Variants in HUS1B observed in about 807,000 individuals in gnomAD.
HUS1B encodes checkpoint protein HUS1B.
For missense variants in HUS1B, 475 were observed against 390.4 expected, an observed-to-expected ratio of 1.22 and a Z score of -1.83; for synonymous variants, 207 against 176.2, an observed-to-expected ratio of 1.17 and a Z score of -1.38.
At position 656,172 on chromosome 6, in the gene HUS1B, G is replaced by T; in HGVS notation, c.773C>A (p.Thr258Asn). ...TTALCNIWDN[T>N]LLQLVLVQED... Reference sequence around the variant, plus strand: ...TTGAACCAAAACAAGCTGAAGAAGAGTATTGTCCCAAATATTGCACAGGGC... The same window carrying T: ...TTGAACCAAAACAAGCTGAAGAAGATTATTGTCCCAAATATTGCACAGGGC... The change falls in exon 1 of 1, where the codon ACT (threonine) becomes AAT (asparagine). Residue 258 changes from threonine to asparagine, a missense_variant. Physicochemically the swap from Thr to Asn is moderately conservative, Grantham distance 65 (BLOSUM62 0). Transcript: ENST00000380907. The T allele has an allele frequency of 3.1e-6, 5 of 1,614,136 alleles. No individual in the cohort carries two copies. Among genetic ancestry groups the T allele is most frequent in the Non-Finnish European group, 4.2e-6 (5 of 1,180,004 alleles).
At position 656,708 on chromosome 6, in the gene HUS1B, G is replaced by C; in HGVS notation, c.237C>G (p.His79Gln). The C allele has an allele frequency of 6.2e-7, 1 of 1,603,484 alleles. No individual in the cohort carries two copies. Among genetic ancestry groups the C allele is most frequent in the Non-Finnish European group, 8.5e-7 (1 of 1,174,512 alleles). Residue 79 changes from histidine to glutamine, a missense_variant, in exon 1 of 1, where the codon CAC becomes CAG. His to Gln is a conservative substitution (Grantham distance 24, BLOSUM62 0). Transcript: ENST00000380907. ...EGVSEDLDEI[H>Q]LELTAEHLSR... ...ACAGGTGCTCCGCCGTCAGCTCCAGGTGGATCTCATCGAGATCTTCCGAGA... is the reference window on the plus strand; with the variant it reads ...ACAGGTGCTCCGCCGTCAGCTCCAGCTGGATCTCATCGAGATCTTCCGAGA...
rs750643871 is a variant in HUS1B, at chr6:656,903, C to T, written c.42G>A (p.Glu14=). Reference sequence around the variant, plus strand: ...CGGTGCCGCTGACGTGAATGAACAGCTCTAGACAGCCTTTGCCGGTGATCT... The same window carrying T: ...CGGTGCCGCTGACGTGAATGAACAGTTCTAGACAGCCTTTGCCGGTGATCT... ...RAKITGKGCL[E]LFIHVSGTVA... The change falls in exon 1 of 1, where the codon GAG becomes GAA. Residue 14 remains glutamate, a synonymous_variant. Transcript: ENST00000380907. The T allele has an allele frequency of 1.3e-6, 2 of 1,562,224 alleles. No individual in the cohort carries two copies. The highest frequency in any genetic ancestry group is 2.3e-5 in the East Asian group (1 of 43,088).
rs367616837 is a variant in HUS1B, at chr6:656,059, T to C, written c.*49A>G. 378 of 1,410,890 alleles carry C rather than the reference T, an allele frequency of 2.7e-4. No individual in the cohort carries two copies. The highest frequency in any genetic ancestry group is 3.3e-4 in the Non-Finnish European group (330 of 1,014,896). The allele number at this position is 1,410,890 out of a possible 1,614,324, so 87.4% of individuals were successfully genotyped here. ...CCAATTAACTCAGGGTCTGTTTTAGTTTTGAAAAGATCAAAACCTTAAAAA... is the reference window on the plus strand; with the variant it reads ...CCAATTAACTCAGGGTCTGTTTTAGCTTTGAAAAGATCAAAACCTTAAAAA... On this transcript the variant is annotated 3_prime_UTR_variant, in exon 1 of 1. Transcript: ENST00000380907.
rs763833864 is a variant in HUS1B, at chr6:656,729, C to T, written c.216G>A (p.Ser72=). ...AFQQFRMEGV[S]EDLDEIHLEL... ...CCAGGTGGATCTCATCGAGATCTTC[C>T]GAGACACCTTCCATGCGAAACTGCT... is the stretch of plus-strand genomic sequence containing the variant. The change falls in exon 1 of 1, where the codon TCG becomes TCA. Residue 72 remains serine, a synonymous_variant. Transcript: ENST00000380907. 10 of 1,593,782 alleles carry T rather than the reference C, an allele frequency of 6.3e-6. No individual in the cohort carries two copies. Among genetic ancestry groups the T allele is most frequent in the Non-Finnish European group, 8.6e-6 (10 of 1,168,526 alleles).
Position 656,800 on chromosome 6 carries a change from G to C in HUS1B, c.145C>G (p.Leu49Val), listed in dbSNP as rs756473752. ...TCGCACCACAGCCTGGCCTCGTGGA[G>C]GCCGCCGGAACCCGCGGGGCCGAAG... Reference protein sequence around the residue: ...LCFGPAGSGGLHEARLWCEVR... With the variant: ...LCFGPAGSGGVHEARLWCEVR... The change falls in exon 1 of 1, where the codon CTC (leucine) becomes GTC (valine). Residue 49 changes from leucine to valine, a missense_variant. Physicochemically the swap from Leu to Val is conservative, Grantham distance 32. Coordinates refer to ENST00000380907, the MANE Select transcript of HUS1B (RefSeq NM_148959.4). 1 of 1,605,482 alleles carries C rather than the reference G, an allele frequency of 6.2e-7. No homozygotes were observed. The highest frequency in any genetic ancestry group is 1.3e-5 in the African/African-American group (1 of 74,682).
chr6:656,801 G>A lies in HUS1B; in HGVS notation c.144C>T (p.Gly48=). Reference sequence around the variant, plus strand: ...CGCACCACAGCCTGGCCTCGTGGAGGCCGCCGGAACCCGCGGGGCCGAAGC... The same window carrying A: ...CGCACCACAGCCTGGCCTCGTGGAGACCGCCGGAACCCGCGGGGCCGAAGC... The part of the protein sequence containing the change: ...SLCFGPAGSG[G]LHEARLWCEV... The change falls in exon 1 of 1, where the codon GGC becomes GGT. Residue 48 remains glycine (G), a synonymous_variant. Transcript: ENST00000380907. The A allele has an allele frequency of 3.1e-6, 5 of 1,605,526 alleles. No individual in the cohort carries two copies. The highest frequency in any genetic ancestry group is 4.3e-6 in the Non-Finnish European group (5 of 1,175,018).
Position 656,449 on chromosome 6 carries a change from T to C in HUS1B, c.496A>G (p.Arg166Gly). 1 of 1,613,354 alleles carries C rather than the reference T, an allele frequency of 6.2e-7. No individual in the cohort carries two copies. Among genetic ancestry groups the C allele is most frequent in the Non-Finnish European group, 8.5e-7 (1 of 1,179,532 alleles). The change falls in exon 1 of 1, where the codon AGG becomes GGG. Residue 166 changes from arginine to glycine, a missense_variant. Physicochemically the swap from Arg to Gly is moderately radical, Grantham distance 125. Coordinates refer to ENST00000380907, the MANE Select transcript of HUS1B (RefSeq NM_148959.4). ...TTCGCCATCCTCTCCACGATGCTCC[T>C]CAGCGTCCTCCAGCGCGGCAGGCGG... The part of the protein sequence containing the change: ...SIRLPRWRTL[R>G]SIVERMANVG...
Position 656,384 on chromosome 6 carries a change from G to A in HUS1B, c.561C>T (p.Gly187=). The change falls in exon 1 of 1, where the codon GGC becomes GGT. Residue 187 remains glycine, a synonymous_variant. Coordinates refer to ENST00000380907, the MANE Select transcript of HUS1B (RefSeq NM_148959.4). The stretch of plus-strand genomic sequence containing the variant: ...CCGTCTCTATACTCAGGGTCATCCT[G>A]CCACTGAGGTTTGCTTCCACCAGCA... ...SHVLVEANLS[G]RMTLSIETEV... is the part of the protein sequence containing the mutation. 6.2e-7 allele frequency: 1 copy of A among 1,614,210 alleles called. No individual in the cohort carries two copies.
chr6:656,674 C>G lies in HUS1B; in HGVS notation c.271G>C (p.Ala91Pro). 6.2e-7 allele frequency: 1 copy of G among 1,606,686 alleles called. No homozygotes were observed. The highest frequency in any genetic ancestry group is 1.3e-5 in the African/African-American group (1 of 74,854). ...GAGGACGCGCCCGCTGCGCTTCTCG[C>G]CGCCCGGGACAGGTGCTCCGCCGTC... ...ELTAEHLSRA[A>P]RSAAGASSLK... The change falls in exon 1 of 1, where the codon GCG becomes CCG. Residue 91 changes from alanine to proline, a missense_variant. By Grantham distance (27) the Ala-to-Pro change is conservative (BLOSUM62 -1). Transcript: ENST00000380907.
chr6:656,328 T>C lies in HUS1B; in HGVS notation c.617A>G (p.Asn206Ser), dbSNP rs1763084162. Reference protein sequence around the residue: ...EVVSIQSYFKNLGNPPQSAVG... With the variant: ...EVVSIQSYFKSLGNPPQSAVG... ...AGCCGACTGGGGAGGGTTTCCAAGA[T>C]TTTTAAAATAACTTTGAATGGACAC... Residue 206 changes from asparagine (N) to serine (S), a missense_variant, in exon 1 of 1, where the codon AAT (asparagine) becomes AGT (serine). Transcript: ENST00000380907. 6.2e-7 allele frequency: 1 copy of C among 1,614,042 alleles called. No individual in the cohort carries two copies. The highest frequency in any genetic ancestry group is 8.5e-7 in the Non-Finnish European group (1 of 1,180,048).
chr6:656,058 G>C lies in HUS1B; in HGVS notation c.*50C>G, dbSNP rs771085104. 3 of 1,400,614 alleles carry C rather than the reference G, an allele frequency of 2.1e-6. No homozygotes were observed. The highest frequency in any genetic ancestry group is 2.9e-5 in the African/African-American group (2 of 69,766). 86.8% of individuals were successfully genotyped at this position (1,400,614 alleles called of 1,614,324 possible). A position where few individuals can be genotyped will look rare whatever the true frequency, so the allele number is the denominator to read the frequency against. ...CCCAATTAACTCAGGGTCTGTTTTA[G>C]TTTTGAAAAGATCAAAACCTTAAAA... On this transcript the variant is annotated 3_prime_UTR_variant, in exon 1 of 1. Coordinates refer to ENST00000380907, the MANE Select transcript of HUS1B (RefSeq NM_148959.4).
chr6:656,761 C>T lies in HUS1B; in HGVS notation c.184G>A (p.Ala62Thr), dbSNP rs1394612855. The T allele has an allele frequency of 2.5e-6, 4 of 1,590,024 alleles. No homozygotes were observed. In the Admixed American group the frequency reaches 7.0e-5, roughly 28 times the overall value. The change falls in exon 1 of 1, where the codon GCC (alanine) becomes ACC (threonine). Residue 62 changes from alanine (A) to threonine (T), a missense_variant. Coordinates refer to ENST00000380907, the MANE Select transcript of HUS1B (RefSeq NM_148959.4). Reference protein sequence around the residue: ...ARLWCEVRQGAFQQFRMEGVS... With the variant: ...ARLWCEVRQGTFQQFRMEGVS... ...CCTTCCATGCGAAACTGCTGGAAGG[C>T]CCCCTGCCGCACCTCGCACCACAGC... is the stretch of plus-strand genomic sequence containing the variant.
Position 656,551 on chromosome 6 carries a change from G to C in HUS1B, c.394C>G (p.Leu132Val). The C allele has an allele frequency of 6.3e-7, 1 of 1,598,718 alleles. No homozygotes were observed. The highest frequency in any genetic ancestry group is 1.1e-5 in the South Asian group (1 of 89,924). Residue 132 changes from leucine to valine, a missense_variant, in exon 1 of 1, where the codon CTG becomes GTG. Coordinates refer to ENST00000380907, the MANE Select transcript of HUS1B (RefSeq NM_148959.4). ...LGRARSVVHD[L>V]PVRVLPRRVW... ...CTCCTGGGAAGCACCCGCACGGGCA[G>C]ATCGTGCACCACGCTGCGAGCGCGG... is the stretch of plus-strand genomic sequence containing the variant.
rs1200159917 is a variant in HUS1B, at chr6:656,258, C to T, written c.687G>A (p.Val229=). 2 of 1,614,146 alleles carry T rather than the reference C, an allele frequency of 1.2e-6. No individual in the cohort carries two copies. The highest frequency in any genetic ancestry group is 1.7e-6 in the Non-Finnish European group (2 of 1,180,054). ...ENRDLESMVQ[V]RVDNRKLLQF... ...GCAGAAGCTTCCGATTGTCCACCCG[C>T]ACTTGCACCATGCTCTCCAGGTCTC... Residue 229 remains valine (V), a synonymous_variant, in exon 1 of 1, where the codon GTG becomes GTA. Coordinates refer to ENST00000380907, the MANE Select transcript of HUS1B (RefSeq NM_148959.4).
In HUS1B at chr6:656,648, G is replaced by C; in HGVS notation, c.297C>G (p.Ser99=). The change falls in exon 1 of 1, where the codon TCC becomes TCG. Residue 99 remains serine (S), a synonymous_variant. Transcript: ENST00000380907. ...GCTTGTGGGTCAGCTGCAGCTTCAG[G>C]GAGGACGCGCCCGCTGCGCTTCTCG... is the stretch of plus-strand genomic sequence containing the variant. The part of the protein sequence containing the change: ...RAARSAAGAS[S]LKLQLTHKRR... 1 of 1,607,366 alleles carries C rather than the reference G, an allele frequency of 6.2e-7. No homozygotes were observed. Among genetic ancestry groups the C allele is most frequent in the Non-Finnish European group, 8.5e-7 (1 of 1,177,110 alleles).
chr6:656,483 G>A lies in HUS1B; in HGVS notation c.462C>T (p.Asp154=), dbSNP rs753972185. 17 of 1,609,642 alleles carry A rather than the reference G, an allele frequency of 1.1e-5. No homozygotes were observed. In the South Asian group the frequency reaches 1.5e-4, roughly 15 times the overall value. The change falls in exon 1 of 1, where the codon GAC becomes GAT. Residue 154 remains aspartate, a synonymous_variant. Transcript: ENST00000380907. ...TCCAGCGCGGCAGGCGGATGCTCGC[G>A]TCGGAGGCGCGCAGGCTGGGCGGCA... ...DCLPPSLRAS[D]ASIRLPRWRT... is the part of the protein sequence containing the mutation.
chr6:656,350 A>C lies in HUS1B; in HGVS notation c.595T>G (p.Ser199Ala). The C allele has an allele frequency of 6.2e-7, 1 of 1,614,126 alleles. No homozygotes were observed. The highest frequency in any genetic ancestry group is 8.5e-7 in the Non-Finnish European group (1 of 1,180,010). The change falls in exon 1 of 1, where the codon TCC becomes GCC. Residue 199 changes from serine (S) to alanine (A), a missense_variant. Physicochemically the swap from Ser to Ala is moderately conservative, Grantham distance 99. Coordinates refer to ENST00000380907, the MANE Select transcript of HUS1B (RefSeq NM_148959.4). The stretch of plus-strand genomic sequence containing the variant: ...AGATTTTTAAAATAACTTTGAATGG[A>C]CACCACCTCCGTCTCTATACTCAGG... ...MTLSIETEVVSIQSYFKNLGN... is the reference protein window; with the variant it reads ...MTLSIETEVVAIQSYFKNLGN...
In HUS1B at chr6:656,585, C is replaced by A; in HGVS notation, c.360G>T (p.Ser120=). ...CCACGCTGCGAGCGCGGCCCAGGGA[C>A]GAGACCAGCTCCACCGCCACCGTGA... ...PSLTVAVELV[S]SLGRARSVVH... Residue 120 remains serine, a synonymous_variant, in exon 1 of 1, where the codon TCG becomes TCT. Coordinates refer to ENST00000380907, the MANE Select transcript of HUS1B (RefSeq NM_148959.4). 1 of 1,593,062 alleles carries A rather than the reference C, an allele frequency of 6.3e-7. No homozygotes were observed. Among genetic ancestry groups the A allele is most frequent in the Non-Finnish European group, 8.5e-7 (1 of 1,170,340 alleles).
rs1763131687 is a variant in HUS1B at position 656,783 on chromosome 6, C to T, written c.162G>A (p.Leu54=). The change falls in exon 1 of 1, where the codon CTG becomes CTA. Residue 54 remains leucine (L), a synonymous_variant. Transcript: ENST00000380907. ...AGGCCCCCTGCCGCACCTCGCACCACAGCCTGGCCTCGTGGAGGCCGCCGG... is the reference window on the plus strand; with the variant it reads ...AGGCCCCCTGCCGCACCTCGCACCATAGCCTGGCCTCGTGGAGGCCGCCGG... The part of the protein sequence containing the change: ...AGSGGLHEAR[L]WCEVRQGAFQ... 1.2e-6 allele frequency: 2 copies of T among 1,600,810 alleles called. No individual in the cohort carries two copies. Among genetic ancestry groups the T allele is most frequent in the African/African-American group, 2.7e-5 (2 of 74,654 alleles).
Sources: gnomAD v4.1 joint callset for allele counts on GRCh38, gnomAD v4.1.1 for gene constraint, MANE v1.5 for transcripts, NCBI Gene and HGNC (gene_info 2026-07-23, HGNC 2026-07-21) for gene names.